The following SNX30 variants were observed in gnomAD, a reference collection of about 807,000 sequenced individuals.
The protein encoded by SNX30 is sorting nexin family member 30.
A neutral mutation model predicts 46.4 loss-of-function variants in SNX30; 24 were observed. That is an observed-to-expected ratio of 0.52 (90% CI 0.37 to 0.73). The LOEUF (loss-of-function observed/expected upper bound fraction) is 0.73, where lower values mean the gene tolerates loss of function less well. Among genes scored for constraint, SNX30 ranks in the 30% least tolerant of loss-of-function variants. The pLI, the probability that SNX30 is intolerant of heterozygous loss-of-function variation, is 0.00. For synonymous variants in SNX30, 189 were observed against 211.5 expected, an observed-to-expected ratio of 0.89 and a Z score of 0.92; for missense variants, 533 against 555.7, an observed-to-expected ratio of 0.96 and a Z score of 0.41.
intron 3 of SNX30, among the ~76,000 whole-genome samples, chr9:112,824,777 C>CCAT (rs1457831593): frequency 6.6e-6 from 1 of 152,168 alleles, no homozygotes; most frequent in Non-Finnish European, 1.5e-5. Context: ...TCTGCTTCCA[C>CCAT]CATCACATCT....
intron 2 of SNX30, among the ~76,000 whole-genome samples, chr9:112,817,400 G>GATTTTT (rs1256963697): frequency 2.9e-5 from 1 of 34,390 alleles, no homozygotes; most frequent in African/African-American, 2.0e-4. Flanking sequence ...AAAAAAACTG[G>GATTTTT]CTTTTTTTTT....
chr9:112,876,536 AG>A (rs1290046448), downstream of SNX30, among the ~76,000 whole-genome samples: 1 of 152,214 alleles, frequency 6.6e-6, no homozygotes, highest in African/African-American at 2.4e-5. Context: ...GAGGAAATCC[AG>A]GTGGAGATGT....
rs371468070 is a variant in SNX30, at chr9:112,755,070, G to T, written c.156+3913G>T. Among the ~76,000 whole-genome samples the T allele has an allele frequency of 9.8e-4, 149 of 152,296 alleles. 1 individual carries two copies. The South Asian group carries it at 0.021, about 22-fold the overall frequency. ...ATACATATTTGAGGGCCTACTATGA[G>T]CCAGGCACTGTTCTAGGAACTTGAA... is the stretch of plus-strand genomic sequence containing the variant. On this transcript the variant is annotated intron_variant, in intron 1 of 8. Transcript: ENST00000374232.
At chr9:112,849,401 A>C (rs1031602174) in intron 6 of SNX30, among the ~76,000 whole-genome samples, 2 of 152,176 alleles carry the variant, frequency 1.3e-5, no homozygotes, top group African/African-American at 4.8e-5. Context: ...GCTTTGTTTC[A>C]TGTGCTCAGT....
chr9:112,756,657 C>T (rs1839354656), intron 1 of SNX30, among the ~76,000 whole-genome samples: 1 of 152,030 alleles, frequency 6.6e-6, no homozygotes, highest in African/African-American at 2.4e-5. Flanking sequence ...GACGGGGTTT[C>T]ACCATATTGG....
Position 112,864,539 on chromosome 9 carries a change from T to C in SNX30, c.1254+140T>C. On this transcript the variant is annotated intron_variant, in intron 8 of 8. Transcript: ENST00000374232. The stretch of plus-strand genomic sequence containing the variant: ...CTGCTTAGTCTTGGCTCCCGCTTCA[T>C]GCCCTTGCCCAACCATGTGGCTGCA... The C allele has an allele frequency of 2.6e-6, 3 of 1,135,694 alleles. No homozygotes were observed. The South Asian group carries it at 4.3e-5, about 16-fold the overall frequency. The allele number at this position is 1,135,694 out of a possible 1,614,324, so 70.4% of individuals were successfully genotyped here. A position where few individuals can be genotyped will look rare whatever the true frequency, so the allele number is the denominator to read the frequency against.
At chr9:112,765,929 G>A (rs150646309) in intron 1 of SNX30, among the ~76,000 whole-genome samples, 6 of 152,068 alleles carry the variant, frequency 3.9e-5, no homozygotes, top group African/African-American at 1.4e-4. Flanking sequence ...TCAGCCTCCC[G>A]AGTAGCTGGG....
At chr9:112,769,094 T>A (rs1839601883) in intron 1 of SNX30, among the ~76,000 whole-genome samples, 1 of 152,218 alleles carries the variant, frequency 6.6e-6, no homozygotes, top group South Asian at 2.1e-4. Context: ...ATATGGCTAA[T>A]GGTACAAACA....
At position 112,830,913 on chromosome 9, in the gene SNX30, C is replaced by T. The variant is rs1282179923; in HGVS notation, c.618+30C>T. 2.5e-6 allele frequency: 4 copies of T among 1,574,728 alleles called. No individual in the cohort carries two copies. In the African/African-American group the frequency reaches 4.1e-5, roughly 16 times the overall value. On this transcript the variant is annotated intron_variant, in intron 4 of 8. Coordinates refer to ENST00000374232, the MANE Select transcript of SNX30 (RefSeq NM_001012994.2). ...GGGCAGAAATTTACATCCTCTTCGT[C>T]CATATTACCATTCTTGGGGCTCTTT...
intron 3 of SNX30, among the ~76,000 whole-genome samples, chr9:112,825,814 C>T (rs1840571923): frequency 6.6e-6 from 1 of 152,102 alleles, no homozygotes; most frequent in African/African-American, 2.4e-5. Flanking sequence ...ACCTGCAACC[C>T]AGATTCCTAT....
chr9:112,872,234 T>C lies in SNX30; in HGVS notation c.*3391T>C, dbSNP rs1357334353. The C allele has an allele frequency of 6.6e-6, 1 of 152,192 alleles. No homozygotes were observed. The highest frequency in any genetic ancestry group is 1.5e-5 in the Non-Finnish European group (1 of 68,040). The allele number at this position is 152,192 out of a possible 1,614,324, so 9.4% of individuals were successfully genotyped here. On this transcript the variant is annotated 3_prime_UTR_variant, in exon 9 of 9. Transcript: ENST00000374232. ...TCACTTCTTGTGAGGCTGCCTTTTGTGATCAAATAACAGGAAGTTCTGCTT... is the reference window on the plus strand; with the variant it reads ...TCACTTCTTGTGAGGCTGCCTTTTGCGATCAAATAACAGGAAGTTCTGCTT...
At chr9:112,865,757 G>GTGTATGTA (rs1162602825) in intron 8 of SNX30, among the ~76,000 whole-genome samples, 2 of 146,384 alleles carry the variant, frequency 1.4e-5, no homozygotes, top group African/African-American at 2.6e-5. Context: ...GTGTGTGTGT[G>GTGTATGTA]TGTATGTATG....
In SNX30 at chr9:112,822,527, T is replaced by C. The variant is rs534815158; in HGVS notation, c.459+4712T>C. Among the ~76,000 whole-genome samples the C allele has an allele frequency of 2.4e-4, 28 of 118,752 alleles. 1 individual carries two copies. The East Asian group carries it at 6.9e-3, about 29-fold the overall frequency. 77.9% of individuals were successfully genotyped at this position (118,752 alleles called of 152,430 possible). On this transcript the variant is annotated intron_variant, in intron 3 of 8. Transcript: ENST00000374232. ...CTTCACAAGTTTTCTTTTGTCCCTTTGCTGTTTTGTTTTGTTTTTTTTTTT... is the reference window on the plus strand; with the variant it reads ...CTTCACAAGTTTTCTTTTGTCCCTTCGCTGTTTTGTTTTGTTTTTTTTTTT...
Position 112,769,179 on chromosome 9 carries a change from C to G in SNX30, c.156+18022C>G, listed in dbSNP as rs956269653. On this transcript the variant is annotated intron_variant, in intron 1 of 8. Transcript: ENST00000374232. ...TTCTTTTGATTCAACAAGTTCTTTT[C>G]TGTTTGTGTCTGTCCTGCGGATAAA... is the stretch of plus-strand genomic sequence containing the variant. Among the ~76,000 whole-genome samples, 5 of 152,308 alleles carry G rather than the reference C, an allele frequency of 3.3e-5. No individual in the cohort carries two copies. In the East Asian group the frequency reaches 5.8e-4, roughly 18 times the overall value.
intron 6 of SNX30, 89 bp downstream of exon 6, chr9:112,838,786 A>G: frequency 7.7e-7 from 1 of 1,300,212 alleles, no homozygotes; most frequent in Non-Finnish European, 1.1e-6. Context: ...TTTGCATGTG[A>G]TATAAGTTTC....
chr9:112,852,533 A>G (rs1237364432), intron 7 of SNX30, among the ~76,000 whole-genome samples: 1 of 152,152 alleles, frequency 6.6e-6, no homozygotes, highest in Non-Finnish European at 1.5e-5. Context: ...GTGTGTATGT[A>G]TATGTGCATG....
chr9:112,867,490 CCTCCTCAGAA>C (rs1043286041), intron 8 of SNX30, among the ~76,000 whole-genome samples: 1 of 151,818 alleles, frequency 6.6e-6, no homozygotes, highest in Non-Finnish European at 1.5e-5. Context: ...ATTCCTCCTC[CCTCCTCAGAA>C]CTCCTCCTCC....
In SNX30 at chr9:112,869,563, T is replaced by C. The variant is rs1238462031; in HGVS notation, c.*720T>C. 2 of 151,872 alleles carry C rather than the reference T, an allele frequency of 1.3e-5. No individual in the cohort carries two copies. Among genetic ancestry groups the C allele is most frequent in the East Asian group, 3.9e-4 (2 of 5,174 alleles). 9.4% of individuals were successfully genotyped at this position (151,872 alleles called of 1,614,324 possible). A position where few individuals can be genotyped will look rare whatever the true frequency, so the allele number is the denominator to read the frequency against. On this transcript the variant is annotated 3_prime_UTR_variant, in exon 9 of 9. Transcript: ENST00000374232. ...TGCTCCCCAAGCTTGTTTCTGACAC[T>C]AGAATGCAACAGATTGGAAACTTTT...
At chr9:112,818,830 T>C (rs1185207511) in intron 3 of SNX30, among the ~76,000 whole-genome samples, 2 of 152,196 alleles carry the variant, frequency 1.3e-5, no homozygotes, top group Non-Finnish European at 2.9e-5. Flanking sequence ...AGAGCCACGT[T>C]GCCAGTACTG....
Sources: allele counts gnomAD v4.1 joint callset (sites outside exome capture counted in the v4.1 genomes callset), GRCh38; gene constraint gnomAD v4.1.1; transcripts MANE v1.5; gene names NCBI Gene and HGNC (gene_info 2026-07-23, HGNC 2026-07-21).